The following TIA1 variants were observed in gnomAD, a reference collection of about 807,000 sequenced individuals.
TIA1 encodes TIA1 cytotoxic granule associated RNA binding protein.
TIA1 carries 23 observed loss-of-function variants against 65.9 expected under a neutral mutation model. The ratio of observed to expected loss-of-function variants is 0.35; its 90% CI spans 0.25 to 0.49. The LOEUF (loss-of-function observed/expected upper bound fraction) is 0.49, where lower values mean the gene tolerates loss of function less well. Ranked by LOEUF, TIA1 falls within the 20% of genes least tolerant of loss-of-function variation. The pLI, the probability that TIA1 is intolerant of heterozygous loss-of-function variation, is 0.98. For synonymous variants in TIA1, 147 were observed against 149.4 expected (o/e 0.98, Z 0.12); for missense variants, 371 against 477.9 (o/e 0.78, Z 2.09).
chr2:70,230,550 G>A (rs1193013398), intron 3 of TIA1, among the ~76,000 whole-genome samples: 2 of 151,590 alleles, frequency 1.3e-5, no homozygotes, highest in African/African-American at 4.9e-5. Flanking sequence ...TACTAGGGAG[G>A]CTGAGGCAGG....
chr2:70,209,494 C>T lies in TIA1; in HGVS notation c.*3225G>A, dbSNP rs1230236544. 1 of 397,518 alleles carries T rather than the reference C, an allele frequency of 2.5e-6. No homozygotes were observed. Among genetic ancestry groups the T allele is most frequent in the Non-Finnish European group, 4.4e-6 (1 of 225,846 alleles). The allele number at this position is 397,518 out of a possible 1,614,324, so 24.6% of individuals were successfully genotyped here. On this transcript the variant is annotated 3_prime_UTR_variant, in exon 13 of 13. Transcript: ENST00000433529. Reference sequence around the variant, plus strand: ...TTATTAAGGCTCTTAAATTGAAACTCATCATTTTGGATGTACATTCAAATT... The same window carrying T: ...TTATTAAGGCTCTTAAATTGAAACTTATCATTTTGGATGTACATTCAAATT...
chr2:70,213,492 G>A (rs892607138), intron 12 of TIA1, among the ~76,000 whole-genome samples: 17 of 151,312 alleles, frequency 1.1e-4, no homozygotes, highest in Non-Finnish European at 1.9e-4. Context: ...TTATAGGCAC[G>A]CAACCACCAT....
intron 2 of TIA1, among the ~76,000 whole-genome samples, chr2:70,233,850 A>G (rs963642444): frequency 6.6e-6 from 1 of 152,174 alleles, no homozygotes; most frequent in South Asian, 2.1e-4. Context: ...TGCAGAAAAA[A>G]CTAACTTTTT....
At chr2:70,222,470 G>A (rs574301388) in intron 7 of TIA1, among the ~76,000 whole-genome samples, 166 of 152,272 alleles carry the variant, frequency 1.1e-3, no homozygotes, top group African/African-American at 3.4e-3. Context: ...AATCAGTATT[G>A]TGGTCTTCCT....
chr2:70,243,372 A>G (rs554789317), intron 1 of TIA1, among the ~76,000 whole-genome samples: 7 of 152,312 alleles, frequency 4.6e-5, no homozygotes, highest in Non-Finnish European at 1.0e-4. Flanking sequence ...GGCTACAGTG[A>G]GCTGTGATCA....
intron 1 of TIA1, among the ~76,000 whole-genome samples, chr2:70,243,254 C>T (rs527427921): frequency 6.6e-6 from 1 of 152,134 alleles, no homozygotes; most frequent in African/African-American, 2.4e-5. Context: ...AGTGAGATCG[C>T]TTCTCTACAA....
intron 3 of TIA1, among the ~76,000 whole-genome samples, chr2:70,230,355 G>A (rs1685674418): frequency 6.6e-6 from 1 of 151,602 alleles, no homozygotes. Flanking sequence ...TTGCTATAAA[G>A]TGTTTAATGT....
chr2:70,230,782 T>A lies in TIA1; in HGVS notation c.196A>T (p.Met66Leu), dbSNP rs760573990. The change falls in exon 3 of 13, where the codon ATG becomes TTG. Residue 66 changes from methionine to leucine, a missense_variant. Met to Leu is a conservative substitution (Grantham distance 15). Transcript: ENST00000433529. ...TTACCCATTATCTTCCGTCCATTCA[T>A]AGCAGCTAATGCTGCAGCTGCATGA... ...HRHAAAALAA[M>L]NGRKIMGKEV... 6.2e-7 allele frequency: 1 copy of A among 1,611,058 alleles called. No homozygotes were observed. Among genetic ancestry groups the A allele is most frequent in the Admixed American group, 1.7e-5 (1 of 59,496 alleles).
intron 6 of TIA1, 24 bp from the exon 7 acceptor site, chr2:70,224,653 T>C (rs1334367949): frequency 6.2e-7 from 1 of 1,612,088 alleles, no homozygotes; most frequent in Non-Finnish European, 8.5e-7. Context: ...CAATCAGAAG[T>C]TTAGGTTTGC....
chr2:70,245,187 A>G (rs1693749899), intron 1 of TIA1, among the ~76,000 whole-genome samples: 1 of 152,134 alleles, frequency 6.6e-6, no homozygotes, highest in African/African-American at 2.4e-5. Flanking sequence ...GGGTTTCACC[A>G]TGTTGCCCAG....
At chr2:70,235,654 A>T (rs1318224219) in intron 2 of TIA1, among the ~76,000 whole-genome samples, 1 of 152,042 alleles carries the variant, frequency 6.6e-6, no homozygotes, top group South Asian at 2.1e-4. Flanking sequence ...TTTAAAAATA[A>T]AGTTAAAAAT....
rs574031480 is a variant in TIA1, at chr2:70,223,686, T to C, written c.474+868A>G. Among the ~76,000 whole-genome samples the C allele has an allele frequency of 2.8e-3, 427 of 151,722 alleles. 2 individuals are homozygous for C. Among genetic ancestry groups the C allele is most frequent in the Non-Finnish European group, 4.1e-3 (278 of 67,952 alleles). The stretch of plus-strand genomic sequence containing the variant: ...ACCTTGGCATCCCAAAGTGCTGGGA[T>C]TACAGGTGTGAGCCACTGGGCTCGG... On this transcript the variant is annotated intron_variant, in intron 7 of 12. Transcript: ENST00000433529.
At chr2:70,232,723 G>A (rs750234902) in intron 2 of TIA1, among the ~76,000 whole-genome samples, 4 of 151,620 alleles carry the variant, frequency 2.6e-5, no homozygotes, top group Admixed American at 6.6e-5. Context: ...ACAAAAATCA[G>A]CTGGGTGTGG....
At chr2:70,220,695 G>GA (rs1007391519) in intron 7 of TIA1, among the ~76,000 whole-genome samples, 4 of 151,274 alleles carry the variant, frequency 2.6e-5, no homozygotes, top group African/African-American at 7.3e-5. Flanking sequence ...AGCTCCTCAG[G>GA]AAAAAAATAA....
Position 70,215,592 on chromosome 2 carries a change from A to G in TIA1, c.765-98T>C, listed in dbSNP as rs575425618. ...AATCAAGGTGAGTCTGAGGTAAAACAGTTTGCGTAACATGGCATATTTTCT... is the reference window on the plus strand; with the variant it reads ...AATCAAGGTGAGTCTGAGGTAAAACGGTTTGCGTAACATGGCATATTTTCT... On this transcript the variant is annotated intron_variant, in intron 10 of 12. Coordinates refer to ENST00000433529, the MANE Select transcript of TIA1 (RefSeq NM_022173.4). 1.6e-4 allele frequency: 173 copies of G among 1,100,118 alleles called. 2 individuals are homozygous for G. In the South Asian group the frequency reaches 2.7e-3, roughly 17 times the overall value. 68.1% of individuals were successfully genotyped at this position (1,100,118 alleles called of 1,614,324 possible).
chr2:70,234,328 AG>A (rs1241961388), intron 2 of TIA1, among the ~76,000 whole-genome samples: 1 of 152,308 alleles, frequency 6.6e-6, no homozygotes, highest in African/African-American at 2.4e-5. Flanking sequence ...ATCTAGATTA[AG>A]GAAAGACTGG....
intron 2 of TIA1, among the ~76,000 whole-genome samples, chr2:70,234,982 G>C (rs559865582): frequency 6.6e-6 from 1 of 152,068 alleles, no homozygotes; most frequent in Non-Finnish European, 1.5e-5. Context: ...AAAACTGAAA[G>C]TTTATAGCAG....
intron 2 of TIA1, among the ~76,000 whole-genome samples, chr2:70,235,305 C>T (rs566300700): frequency 1.3e-5 from 2 of 152,114 alleles, no homozygotes; most frequent in East Asian, 3.9e-4. Context: ...ATCCCAGCTA[C>T]TTGGGAGGCT....
intron 6 of TIA1, among the ~76,000 whole-genome samples, chr2:70,226,492 T>C (rs983920077): frequency 4.0e-4 from 61 of 152,180 alleles, no homozygotes; most frequent in African/African-American, 1.4e-3. Flanking sequence ...TTTATTTCTC[T>C]CTGAAAAGAT....
Sources: allele counts gnomAD v4.1 joint callset (sites outside exome capture counted in the v4.1 genomes callset), GRCh38; gene constraint gnomAD v4.1.1; transcripts MANE v1.5; gene names NCBI Gene and HGNC (gene_info 2026-07-23, HGNC 2026-07-21).